GTF3C1: variants seen among roughly 807,000 people sequenced by gnomAD.
GTF3C1 encodes general transcription factor 3C polypeptide 1.
Under a neutral mutation model 226.7 loss-of-function variants are expected in GTF3C1, and 57 were observed. The observed-to-expected ratio is 0.25, with a 90% CI of 0.20 to 0.31. The LOEUF is 0.31. GTF3C1 is among the 10% of genes least tolerant of loss of function. GTF3C1 has a pLI of 1.00. For missense variants in GTF3C1, 2,217 were observed against 2,776.1 expected (o/e 0.80, Z 4.53); for synonymous variants, 1,090 against 1,084.8 (o/e 1.00, Z -0.09).
rs149738247 is a variant in GTF3C1, at chr16:27,464,740, G to A, written c.5452C>T (p.Arg1818Trp). Residue 1818 changes from arginine (R) to tryptophan (W), a missense_variant, in exon 34 of 37, where the codon CGG (arginine) becomes TGG (tryptophan). By Grantham distance (101) the Arg-to-Trp change is moderately radical. Transcript: ENST00000356183. ...SAWPWLLHSV[R>W]LKDREDADIQ... The stretch of plus-strand genomic sequence containing the variant: ...TCGGCGTCTTCTCTGTCTTTCAGCC[G>A]CACGGAGTGCAGGAGCCAAGGCCAG... 5.8e-5 allele frequency: 93 copies of A among 1,592,524 alleles called. No individual in the cohort carries two copies. The highest frequency in any genetic ancestry group is 7.1e-5 in the Non-Finnish European group (83 of 1,177,242).
At chr16:27,501,087 T>C (rs1185768528) in intron 12 of GTF3C1, 104 bp downstream of exon 12, 3 of 935,928 alleles carry the variant, frequency 3.2e-6, no homozygotes, top group Non-Finnish European at 3.3e-6. Context: ...TCCAAGTCAC[T>C]GGTAATAAAG....
intron 6 of GTF3C1, among the ~76,000 whole-genome samples, chr16:27,524,112 A>G (rs1053229172): frequency 2.0e-5 from 3 of 152,230 alleles, no homozygotes; most frequent in Non-Finnish European, 4.4e-5. Flanking sequence ...CAGGCAAATG[A>G]CATACCAGCA....
In GTF3C1 at chr16:27,521,036, GCGCGATCAATAGA is replaced by G. The variant is rs1310842617; in HGVS notation, c.973+7549_973+7561del. On this transcript the variant is annotated intron_variant, in intron 6 of 36. Coordinates refer to ENST00000356183, the MANE Select transcript of GTF3C1 (RefSeq NM_001520.4). Reference sequence around the variant, plus strand: ...GCCCAGCCTCCCCAATGCTCTTAAAGCGCGATCAATAGATGGGAAGGGCTGGTGTCAACTGTGC... The same window carrying G: ...GCCCAGCCTCCCCAATGCTCTTAAAGTGGGAAGGGCTGGTGTCAACTGTGC... Among the ~76,000 whole-genome samples, 70 of 152,306 alleles carry G rather than the reference GCGCGATCAATAGA, an allele frequency of 4.6e-4. 1 individual carries two copies. Among genetic ancestry groups the G allele is most frequent in the African/African-American group, 1.7e-3 (69 of 41,576 alleles).
At chr16:27,500,562 C>T (rs886674079) in intron 12 of GTF3C1, among the ~76,000 whole-genome samples, 12 of 152,194 alleles carry the variant, frequency 7.9e-5, no homozygotes, top group Admixed American at 3.3e-4. Flanking sequence ...CAGGAAATTA[C>T]GAGTGACTGT....
chr16:27,490,708 G>A (rs1328939513), intron 19 of GTF3C1, among the ~76,000 whole-genome samples: 3 of 152,196 alleles, frequency 2.0e-5, no homozygotes, highest in African/African-American at 7.2e-5. Flanking sequence ...GACTCTCCAG[G>A]TAGGGCCCAG....
chr16:27,527,173 A>G (rs992440538), intron 6 of GTF3C1, among the ~76,000 whole-genome samples: 3 of 152,184 alleles, frequency 2.0e-5, no homozygotes, highest in African/African-American at 7.2e-5. Context: ...GTGCCACTGC[A>G]CTCCAGCCTG....
intron 16 of GTF3C1, among the ~76,000 whole-genome samples, chr16:27,494,537 A>G (rs974762906): frequency 4.6e-5 from 7 of 152,054 alleles, no homozygotes; most frequent in African/African-American, 1.7e-4. Context: ...CCAACCACCC[A>G]CCCATCCACC....
intron 2 of GTF3C1, among the ~76,000 whole-genome samples, chr16:27,544,629 T>C (rs1332221676): frequency 6.6e-6 from 1 of 151,008 alleles, no homozygotes; most frequent in East Asian, 1.9e-4. Flanking sequence ...CCCTGTAAAG[T>C]AGGAAGGAAG....
rs764803855 is a variant in GTF3C1, at chr16:27,469,375, G to A, written c.4990C>T (p.Pro1664Ser). The change falls in exon 32 of 37, where the codon CCC becomes TCC. Residue 1664 changes from proline (P) to serine (S), a missense_variant. Physicochemically the swap from Pro to Ser is moderately conservative, Grantham distance 74 (BLOSUM62 -1). Transcript: ENST00000356183. This position sits in a 1 kb window ranked among gnomAD's most constrained non-coding sequence, Gnocchi z 4.5. ...PGIVSTRNLN[P>S]NDSIVVNSCQ... Reference sequence around the variant, plus strand: ...GAGTTGACCACAATGCTGTCGTTGGGGTTGAGGTTGCGGGTGCTGACGATG... The same window carrying A: ...GAGTTGACCACAATGCTGTCGTTGGAGTTGAGGTTGCGGGTGCTGACGATG... 1.9e-5 allele frequency: 31 copies of A among 1,611,770 alleles called. No individual in the cohort carries two copies. Among genetic ancestry groups the A allele is most frequent in the Non-Finnish European group, 2.5e-5 (30 of 1,179,080 alleles).
chr16:27,469,268 A>G lies in GTF3C1; in HGVS notation c.5074+23T>C. The G allele has an allele frequency of 6.5e-7, 1 of 1,539,130 alleles. No individual in the cohort carries two copies. On this transcript the variant is annotated intron_variant, in intron 32 of 36. Transcript: ENST00000356183. The surrounding 1 kb of genome is among the most constrained non-coding windows in gnomAD (Gnocchi z 4.5). ...GATGATGGCGAGGCCAGGCCCTCCC[A>G]CAGCACCAGCAGGAGCACTCACCAG...
chr16:27,497,588 A>T, intron 14 of GTF3C1, 49 bp downstream of exon 14: 2 of 1,491,870 alleles, frequency 1.3e-6, no homozygotes, highest in South Asian at 2.4e-5. Context: ...ATTGTCATAC[A>T]AACAACAAAT....
intron 2 of GTF3C1, among the ~76,000 whole-genome samples, chr16:27,543,505 C>T (rs1609759): frequency 0.78 from 118,206 of 152,160 alleles, 46,735 homozygotes; most frequent in South Asian, 0.9. Flanking sequence ...ATCCCCCCAT[C>T]GCAGTCTCCC....
At chr16:27,522,952 T>C (rs1567409115) in intron 6 of GTF3C1, among the ~76,000 whole-genome samples, 1 of 152,218 alleles carries the variant, frequency 6.6e-6, no homozygotes, top group Non-Finnish European at 1.5e-5. Flanking sequence ...ACTGAACTTT[T>C]TTTTTTAGAG....
In GTF3C1 at chr16:27,462,165, G is replaced by T; in HGVS notation, c.6117+129C>A. ...CCTGAGAGGCAGGAGCCCAGGACAAGCTGGGGGAGGAGGTGCAGGCAAGCA... is the reference window on the plus strand; with the variant it reads ...CCTGAGAGGCAGGAGCCCAGGACAATCTGGGGGAGGAGGTGCAGGCAAGCA... On this transcript the variant is annotated intron_variant, in intron 36 of 36. Coordinates refer to ENST00000356183, the MANE Select transcript of GTF3C1 (RefSeq NM_001520.4). This position sits in a 1 kb window ranked among gnomAD's most constrained non-coding sequence, Gnocchi z 4.5. 1.5e-6 allele frequency: 1 copy of T among 655,186 alleles called. No homozygotes were observed. The highest frequency in any genetic ancestry group is 1.8e-5 in the South Asian group (1 of 55,688). 40.6% of individuals were successfully genotyped at this position (655,186 alleles called of 1,614,324 possible).
In GTF3C1 at chr16:27,484,183, G is replaced by A. The variant is rs375242666; in HGVS notation, c.4001+28C>T. The A allele has an allele frequency of 2.5e-5, 38 of 1,542,916 alleles. No homozygotes were observed. In the Middle Eastern group the frequency reaches 5.0e-4, roughly 20 times the overall value. On this transcript the variant is annotated intron_variant, in intron 25 of 36. Coordinates refer to ENST00000356183, the MANE Select transcript of GTF3C1 (RefSeq NM_001520.4). ...AAACGGGATAACGTAACCGTGTCCC[G>A]GAGTGACGGGGCTTCAATGAGGCTT...
At chr16:27,493,087 C>A in intron 17 of GTF3C1, 112 bp downstream of exon 17, 1 of 662,862 alleles carries the variant, frequency 1.5e-6, no homozygotes, top group Non-Finnish European at 2.7e-6. Flanking sequence ...TGAGTTTTTG[C>A]AAGCTGGAAG....
chr16:27,467,690 TAAAA>T (rs1452949477), intron 32 of GTF3C1, among the ~76,000 whole-genome samples: 4 of 152,056 alleles, frequency 2.6e-5, no homozygotes, highest in African/African-American at 9.7e-5. Context: ...CCCAACATGG[TAAAA>T]CACCATCTCT....
intron 23 of GTF3C1, among the ~76,000 whole-genome samples, chr16:27,487,145 C>A (rs969976090): frequency 3.3e-5 from 5 of 152,192 alleles, no homozygotes; most frequent in African/African-American, 1.2e-4. Flanking sequence ...GAAGTGACAC[C>A]ACCACATTTT....
chr16:27,464,234 C>T (rs879748152), intron 34 of GTF3C1, 86 bp downstream of exon 34: 518 of 797,440 alleles, frequency 6.5e-4, no homozygotes, highest in Non-Finnish European at 6.7e-4. Context: ...CCCCCATCCT[C>T]GGAGGAAGGT....
Sources: allele counts gnomAD v4.1 joint callset (sites outside exome capture counted in the v4.1 genomes callset), GRCh38; gene constraint gnomAD v4.1.1; non-coding constraint Gnocchi (gnomAD v3.1); transcripts MANE v1.5; gene names NCBI Gene and HGNC (gene_info 2026-07-23, HGNC 2026-07-21).